Variants in ARID1B observed in about 807,000 individuals in gnomAD.
ARID1B encodes AT-rich interactive domain-containing protein 1B.
ARID1B carries 30 observed loss-of-function variants against 212.3 expected under a neutral mutation model. That is an observed-to-expected ratio of 0.14 (90% CI 0.11 to 0.19). The LOEUF (loss-of-function observed/expected upper bound fraction) is 0.19, where lower values mean the gene tolerates loss of function less well. ARID1B is among the 10% of genes least tolerant of loss of function. ARID1B has a pLI of 1.00. For missense variants in ARID1B, 2,891 were observed against 3,204.0 expected (o/e 0.90, Z 2.36); for synonymous variants, 1,402 against 1,301.7 (o/e 1.08, Z -1.66).
chr6:157,109,319 A>G (rs1287665117), intron 5 of ARID1B, among the ~76,000 whole-genome samples: 2 of 152,214 alleles, frequency 1.3e-5, no homozygotes, highest in African/African-American at 4.8e-5. Flanking sequence ...TTTGAGCAAT[A>G]TGCCTGACTA....
intron 13 of ARID1B, chr6:157,186,154 C>G (rs1792958380): frequency 4.0e-6 from 1 of 248,812 alleles, no homozygotes; most frequent in Non-Finnish European, 8.1e-6. Flanking sequence ...TGGAGAATAG[C>G]TCTCCCAGTG....
intron 13 of ARID1B, chr6:157,186,445 G>A (rs549976963): frequency 4.2e-6 from 2 of 471,086 alleles, no homozygotes; most frequent in East Asian, 1.4e-4. Context: ...CGTGCAGGGG[G>A]CTCCAGGCAC....
chr6:156,843,741 C>T (rs72998904), intron 2 of ARID1B, among the ~76,000 whole-genome samples: 7,624 of 152,174 alleles, frequency 0.05, 251 homozygotes, highest in Middle Eastern at 0.11. Context: ...TTGTTTTGGT[C>T]GAATAAATTG....
At chr6:157,013,863 C>T (rs1304219139) in intron 4 of ARID1B, among the ~76,000 whole-genome samples, 1 of 152,234 alleles carries the variant, frequency 6.6e-6, no homozygotes, top group Non-Finnish European at 1.5e-5. Flanking sequence ...TGTTCAGTAA[C>T]ACAGGCTAGC....
intron 4 of ARID1B, among the ~76,000 whole-genome samples, chr6:157,037,504 G>A (rs188080280): frequency 4.3e-4 from 65 of 152,290 alleles, no homozygotes; most frequent in African/African-American, 1.4e-3. Context: ...TTATACTGAG[G>A]CAAGAAAGGA....
intron 1 of ARID1B, among the ~76,000 whole-genome samples, chr6:156,817,858 G>A (rs1674583237): frequency 6.6e-6 from 1 of 152,010 alleles, no homozygotes; most frequent in African/African-American, 2.4e-5. Flanking sequence ...AGAGTAGGTT[G>A]TATACATTCC....
chr6:156,924,811 C>CT (rs1050067194), intron 3 of ARID1B, among the ~76,000 whole-genome samples: 12 of 152,272 alleles, frequency 7.9e-5, no homozygotes, highest in Admixed American at 2.0e-4. Flanking sequence ...AGATACATTA[C>CT]TTTTTCCCTA....
intron 4 of ARID1B, among the ~76,000 whole-genome samples, chr6:156,961,923 A>T (rs1048231290): frequency 1.3e-5 from 2 of 152,070 alleles, no homozygotes; most frequent in African/African-American, 4.8e-5. Context: ...TCACCATAAC[A>T]CTGACCCTAT....
intron 4 of ARID1B, among the ~76,000 whole-genome samples, chr6:157,062,691 A>AATATATAT (rs796199000): frequency 7.0e-6 from 1 of 142,688 alleles, no homozygotes; most frequent in Non-Finnish European, 1.5e-5. Context: ...TATGTTTTAA[A>AATATATAT]ATATATATAT....
intron 4 of ARID1B, among the ~76,000 whole-genome samples, chr6:157,045,269 T>C (rs1782158863): frequency 6.6e-6 from 1 of 152,236 alleles, no homozygotes; most frequent in African/African-American, 2.4e-5. Flanking sequence ...TGCCCCAGGC[T>C]ACCAATATAG....
Position 156,935,554 on chromosome 6 carries a change from A to G in ARID1B, c.2225A>G (p.Gln742Arg), listed in dbSNP as rs776187102. 5 of 1,612,470 alleles carry G rather than the reference A, an allele frequency of 3.1e-6. No individual in the cohort carries two copies. Among genetic ancestry groups the G allele is most frequent in the African/African-American group, 1.3e-5 (1 of 75,000 alleles). ...PNHEDLNLIQ[Q>R]ERPSSLPDLS... Reference sequence around the variant, plus strand: ...CATGAAGACTTGAACTTAATACAGCAAGAAAGACCATCAAGTTTACCAGTA... The same window carrying G: ...CATGAAGACTTGAACTTAATACAGCGAGAAAGACCATCAAGTTTACCAGTA... Residue 742 changes from glutamine (Q) to arginine (R), a missense_variant, in exon 4 of 20, where the codon CAA (glutamine) becomes CGA (arginine). Around this residue, in one of 7 missense-constraint regions of ARID1B, gnomAD observed 1,643 missense variants for 1,544.0 expected, o/e 1.06. Coordinates refer to ENST00000636930, the MANE Select transcript of ARID1B (RefSeq NM_001374828.1).
chr6:157,140,504 T>C (rs1490550707), intron 7 of ARID1B: 2 of 397,232 alleles, frequency 5.0e-6, no homozygotes, highest in Non-Finnish European at 8.9e-6. Flanking sequence ...TGCCTATTCC[T>C]TGGCTGATTT....
intron 4 of ARID1B, among the ~76,000 whole-genome samples, chr6:157,028,375 G>A (rs377022466): frequency 6.6e-6 from 1 of 152,126 alleles, no homozygotes; most frequent in African/African-American, 2.4e-5. Flanking sequence ...AATCAATCAT[G>A]TAGAAATAAT....
In ARID1B at chr6:156,777,738, G is replaced by T; in HGVS notation, c.58G>T (p.Ala20Ser). The T allele has an allele frequency of 3.7e-6, 1 of 272,350 alleles. No homozygotes were observed. The highest frequency in any genetic ancestry group is 5.5e-6 in the Non-Finnish European group (1 of 182,856). The allele number at this position is 272,350 out of a possible 1,614,324, so 16.9% of individuals were successfully genotyped here. ...GGCGGCGGCGCGGGCGCGGGCGCGG[G>T]CAGGCAGCGGCGAACGGCGGGCGCC... is the stretch of plus-strand genomic sequence containing the variant. ...AAAAARARARAGSGERRAPPG... is the reference protein window; with the variant it reads ...AAAAARARARSGSGERRAPPG... The change falls in exon 1 of 20, where the codon GCA becomes TCA. Residue 20 changes from alanine to serine, a missense_variant. Physicochemically the swap from Ala to Ser is moderately conservative, Grantham distance 99. This residue lies in a region of ARID1B where 1,643 missense variants were observed against 1,544.0 expected (regional missense o/e 1.06). Transcript: ENST00000636930.
chr6:157,039,325 T>TTC (rs1562568490), intron 4 of ARID1B, among the ~76,000 whole-genome samples: 3 of 119,732 alleles, frequency 2.5e-5, no homozygotes, highest in Non-Finnish European at 3.6e-5. Context: ...GACATTTCTT[T>TTC]TTTTTTTTTT....
At chr6:156,836,867 G>T (rs968918521) in intron 2 of ARID1B, among the ~76,000 whole-genome samples, 2 of 152,042 alleles carry the variant, frequency 1.3e-5, no homozygotes, top group Non-Finnish European at 2.9e-5. Flanking sequence ...GTTTTGCCAT[G>T]TAGCCCAGGC....
intron 4 of ARID1B, among the ~76,000 whole-genome samples, chr6:157,078,145 G>A (rs1562598966): frequency 6.6e-6 from 1 of 152,106 alleles, no homozygotes; most frequent in East Asian, 1.9e-4. Context: ...CATTTTAACT[G>A]GTAGGAACAA....
intron 2 of ARID1B, among the ~76,000 whole-genome samples, chr6:156,897,563 T>C (rs1369234721): frequency 6.6e-6 from 1 of 152,026 alleles, no homozygotes; most frequent in South Asian, 2.1e-4. Flanking sequence ...CTTTAGCCAC[T>C]GCACCCAGCC....
At chr6:156,927,571 T>C (rs1791326612) in intron 3 of ARID1B, among the ~76,000 whole-genome samples, 1 of 152,208 alleles carries the variant, frequency 6.6e-6, no homozygotes, top group African/African-American at 2.4e-5. Flanking sequence ...ATTTCCAGTA[T>C]ATTTTTACTG....
Sources: gnomAD v4.1 joint callset for allele counts (sites outside exome capture counted in the v4.1 genomes callset) on GRCh38, gnomAD v4.1.1 for gene constraint, gnomAD v4.1.1 regional missense constraint, MANE v1.5 for transcripts, NCBI Gene and HGNC (gene_info 2026-07-23, HGNC 2026-07-21) for gene names.